Variants in MTERF4 observed in about 807,000 individuals in gnomAD.
The protein encoded by MTERF4 is mitochondrial transcription termination factor 4.
A neutral mutation model predicts 22.5 loss-of-function variants in MTERF4; 17 were observed. That is an observed-to-expected ratio of 0.75 (90% CI 0.52 to 1.13). The LOEUF is 1.13. Ranked by LOEUF, MTERF4 falls within the 50% of genes most tolerant of loss-of-function variation. The pLI is 0.00. For synonymous variants in MTERF4, 165 were observed against 175.3 expected, an observed-to-expected ratio of 0.94 and a Z score of 0.47; for missense variants, 420 against 466.8, an observed-to-expected ratio of 0.90 and a Z score of 0.92.
At chr2:241,065,377 G>A in the MTERF4 span, 7 of 1,613,114 alleles carry the variant, frequency 4.3e-6, no homozygotes, top group Middle Eastern at 1.6e-4. Context: ...CCGCCCAATG[G>A]TCCAGCCGCC....
downstream of MTERF4, chr2:241,095,106 C>T (rs1181703705): frequency 6.6e-6 from 1 of 151,006 alleles, no homozygotes; most frequent in Non-Finnish European, 1.5e-5. Flanking sequence ...CGGATTGCTC[C>T]CTGTGGCCCT....
chr2:241,062,888 C>T, the MTERF4 span: 394 of 1,603,388 alleles, frequency 2.5e-4, no homozygotes, highest in East Asian at 1.1e-3. Context: ...GCTATGAGGG[C>T]GCCCACTGTG....
At chr2:241,052,707 A>G in the MTERF4 span, among the ~76,000 whole-genome samples, 1 of 74,296 alleles carries the variant, frequency 1.3e-5, no homozygotes, top group East Asian at 5.0e-4. Flanking sequence ...GGGGGGGGTC[A>G]AGCAGGGTAC....
At chr2:241,050,143 G>A in the MTERF4 span, 3 of 615,934 alleles carry the variant, frequency 4.9e-6, no homozygotes, top group East Asian at 2.8e-5. Context: ...CAGGCCTGCT[G>A]GTCATTACCT....
chr2:241,051,631 G>A, the MTERF4 span: 20 of 846,498 alleles, frequency 2.4e-5, no homozygotes, highest in Middle Eastern at 2.4e-4. The surrounding 1 kb of genome is among the most constrained non-coding windows in gnomAD (Gnocchi z 4.7). Flanking sequence ...CCAGGGCTTC[G>A]TCGAGAAGGC....
At chr2:241,077,796 G>A (rs1437797031) in intron 4 of MTERF4, among the ~76,000 whole-genome samples, 1 of 152,152 alleles carries the variant, frequency 6.6e-6, no homozygotes, top group Non-Finnish European at 1.5e-5. Flanking sequence ...AAACCACTAG[G>A]ATGGCGGGAA....
intron 4 of MTERF4, chr2:241,081,883 G>A (rs2063345659): frequency 1.0e-6 from 1 of 1,001,734 alleles, no homozygotes; most frequent in Non-Finnish European, 1.5e-6. Flanking sequence ...TTTGCCACGG[G>A]AGCCTCCAAA....
chr2:241,052,308 G>A, the MTERF4 span: 6 of 1,517,336 alleles, frequency 4.0e-6, no homozygotes, highest in South Asian at 2.5e-5. Context: ...ACAGTCCCGA[G>A]CCTTCAGGGA....
chr2:241,060,848 T>C, the MTERF4 span, among the ~76,000 whole-genome samples: 6 of 152,096 alleles, frequency 3.9e-5, no homozygotes, highest in Admixed American at 2.0e-4. Context: ...GGAAGATCAC[T>C]TGAAACCGGA....
chr2:241,070,428 C>G (rs1341499334), downstream of MTERF4, among the ~76,000 whole-genome samples: 1 of 152,268 alleles, frequency 6.6e-6, no homozygotes, highest in East Asian at 1.9e-4. Context: ...ATAATAAGCA[C>G]ATTGAGCCTC....
chr2:241,059,999 A>G, the MTERF4 span, among the ~76,000 whole-genome samples: 1 of 152,230 alleles, frequency 6.6e-6, no homozygotes, highest in African/African-American at 2.4e-5. Context: ...AGGAAATTCT[A>G]CAAAAGAAGC....
chr2:241,077,728 C>T (rs1375914073), intron 4 of MTERF4, among the ~76,000 whole-genome samples: 1 of 152,158 alleles, frequency 6.6e-6, no homozygotes, highest in African/African-American at 2.4e-5. Context: ...ATGCAAATGG[C>T]CAGTAATCAC....
chr2:241,052,348 C>A, the MTERF4 span: 1 of 1,566,870 alleles, frequency 6.4e-7, no homozygotes, highest in Non-Finnish European at 8.7e-7. Flanking sequence ...TTCCTGCATT[C>A]TGGCAGCCCC....
chr2:241,089,367 TAAA>T (rs542193760), downstream of MTERF4: 1 of 1,550,318 alleles, frequency 6.5e-7, no homozygotes, highest in Non-Finnish European at 8.7e-7. Flanking sequence ...GTTACGTGCC[TAAA>T]AAAATAAAGG....
chr2:241,053,783 A>G, the MTERF4 span, among the ~76,000 whole-genome samples: 23 of 151,954 alleles, frequency 1.5e-4, no homozygotes, highest in African/African-American at 5.1e-4. Flanking sequence ...CTGAGGTCCC[A>G]CCCCTGTCTG....
chr2:241,081,864 A>C, intron 4 of MTERF4: 1 of 1,212,042 alleles, frequency 8.3e-7, no homozygotes, highest in Non-Finnish European at 1.2e-6. Flanking sequence ...CTGCTGGGCC[A>C]CAGCTGGGTT....
chr2:241,094,688 G>A (rs74000379), downstream of MTERF4: 24,938 of 305,680 alleles, frequency 0.082, 1,371 homozygotes, highest in African/African-American at 0.18. This position sits in a 1 kb window ranked among gnomAD's most constrained non-coding sequence, Gnocchi z 4.3. Flanking sequence ...ATTCTGGGCC[G>A]GATCATCCTC....
the MTERF4 span, among the ~76,000 whole-genome samples, chr2:241,064,510 G>A: frequency 2.6e-4 from 39 of 152,252 alleles, no homozygotes; most frequent in Non-Finnish European, 5.3e-4. This position sits in a 1 kb window ranked among gnomAD's most constrained non-coding sequence, Gnocchi z 7.0. Context: ...AGCCCCCAGT[G>A]GGATACCTCC....
chr2:241,100,767 AAGGCTTCCAGTCATGAGT>A (rs1258347057), intron 1 of MTERF4, among the ~76,000 whole-genome samples: 1 of 152,202 alleles, frequency 6.6e-6, no homozygotes, highest in Non-Finnish European at 1.5e-5. Context: ...TGTTGTCGGT[AAGGCTTCCAGTCATGAGT>A]AGGCTATTAG....
Sources: gnomAD v4.1 joint callset for allele counts (sites outside exome capture counted in the v4.1 genomes callset) on GRCh38, gnomAD v4.1.1 for gene constraint, Gnocchi (gnomAD v3.1) non-coding constraint, MANE v1.5 for transcripts, NCBI Gene and HGNC (gene_info 2026-07-23, HGNC 2026-07-21) for gene names.